The following PLD1 variants were observed in gnomAD, a reference collection of about 807,000 sequenced individuals.
PLD1 encodes the protein phospholipase D1, also known as choline phosphatase 1.
In PLD1, 112 loss-of-function variants were observed where a neutral mutation model predicts 137.1. The ratio of observed to expected loss-of-function variants is 0.82; its 90% CI spans 0.70 to 0.96. The LOEUF is 0.96. PLD1 is among the 40% of genes least tolerant of loss of function. The probability of loss-of-function intolerance (pLI) is 0.00; values close to 1 mark genes in which losing one functional copy is unlikely to be tolerated. For synonymous variants in PLD1, 431 were observed against 454.7 expected, an observed-to-expected ratio of 0.95 and a Z score of 0.66; for missense variants, 1,321 against 1,342.0, an observed-to-expected ratio of 0.98 and a Z score of 0.24.
chr3:171,643,145 GCTA>G (rs1735911187), intron 22 of PLD1: 3 of 344,446 alleles, frequency 8.7e-6, no homozygotes, highest in Admixed American at 5.1e-5. Context: ...AGAAAGAGAG[GCTA>G]TTAAAAAAAG....
intron 24 of PLD1, among the ~76,000 whole-genome samples, chr3:171,619,894 A>AC (rs1437604510): frequency 6.6e-6 from 1 of 151,748 alleles, no homozygotes; most frequent in Non-Finnish European, 1.5e-5. Flanking sequence ...ACACAGCGAG[A>AC]CCCCCATCTC....
intron 5 of PLD1, among the ~76,000 whole-genome samples, chr3:171,734,570 C>G (rs1560262183): frequency 6.6e-6 from 1 of 151,098 alleles, no homozygotes; most frequent in Admixed American, 6.6e-5. Context: ...AAACCCACAA[C>G]AATGAGTTCA....
At chr3:171,693,699 C>T (rs1027261155) in intron 12 of PLD1, among the ~76,000 whole-genome samples, 2 of 151,980 alleles carry the variant, frequency 1.3e-5, no homozygotes, top group Non-Finnish European at 1.5e-5. Flanking sequence ...TGACACCTGG[C>T]ATTTAATATC....
intron 13 of PLD1, 146 bp from the exon 14 acceptor site, chr3:171,689,022 A>G: frequency 1.6e-6 from 1 of 616,446 alleles, no homozygotes; most frequent in Non-Finnish European, 2.8e-6. Context: ...AAATAATTTT[A>G]TTCTCAGCAT....
chr3:171,654,767 G>C (rs1029440205), intron 21 of PLD1, among the ~76,000 whole-genome samples: 1 of 152,008 alleles, frequency 6.6e-6, no homozygotes, highest in Non-Finnish European at 1.5e-5. Flanking sequence ...CTCTGAGACA[G>C]TTTTACTTAT....
At chr3:171,664,926 T>A (rs772453099) in intron 19 of PLD1, among the ~76,000 whole-genome samples, 1 of 152,160 alleles carries the variant, frequency 6.6e-6, no homozygotes, top group Non-Finnish European at 1.5e-5. Context: ...GTGATAATAA[T>A]GGTATGTGGC....
intron 9 of PLD1, among the ~76,000 whole-genome samples, chr3:171,710,756 C>T (rs761484733): frequency 6.6e-6 from 1 of 152,104 alleles, no homozygotes; most frequent in Admixed American, 6.5e-5. Context: ...GACAGCCATC[C>T]CTTCTCTTCA....
chr3:171,708,714 T>TA (rs1716895077), intron 11 of PLD1, 41 bp downstream of exon 11: 1 of 1,018,858 alleles, frequency 9.8e-7, no homozygotes, highest in Non-Finnish European at 1.6e-6. Context: ...TTTCTAAACA[T>TA]AGAGACTTCC....
At chr3:171,663,267 C>T (rs1711711947) in intron 19 of PLD1, among the ~76,000 whole-genome samples, 2 of 152,234 alleles carry the variant, frequency 1.3e-5, no homozygotes, top group African/African-American at 4.8e-5. Context: ...CCTGTCCAGG[C>T]TGTATTACTC....
chr3:171,688,803 T>C lies in PLD1; in HGVS notation c.1412A>G (p.Asp471Gly). The change falls in exon 14 of 27, where the codon GAC becomes GGC. Residue 471 changes from aspartate to glycine, a missense_variant. Coordinates refer to ENST00000351298, the MANE Select transcript of PLD1 (RefSeq NM_002662.5). ...CCCTCCCACAAAGGCCACCGATTGG[T>C]CAATGATGACAAGCTTCTCATGGTG... ...WAHHEKLVII[D>G]QSVAFVGGID... The C allele has an allele frequency of 6.2e-7, 1 of 1,614,080 alleles. No individual in the cohort carries two copies. Among genetic ancestry groups the C allele is most frequent in the Non-Finnish European group, 8.5e-7 (1 of 1,179,974 alleles).
intron 23 of PLD1, among the ~76,000 whole-genome samples, chr3:171,631,295 G>A (rs983444813): frequency 5.9e-5 from 9 of 152,108 alleles, no homozygotes; most frequent in Non-Finnish European, 1.3e-4. Flanking sequence ...GTATTAAAAG[G>A]TTGAGGATAT....
intron 8 of PLD1, among the ~76,000 whole-genome samples, chr3:171,723,643 T>A (rs1167402746): frequency 6.6e-6 from 1 of 152,174 alleles, no homozygotes; most frequent in Non-Finnish European, 1.5e-5. Context: ...TTATTGCCTG[T>A]CTTTTTGATA....
intron 1 of PLD1, among the ~76,000 whole-genome samples, chr3:171,777,747 G>A (rs934464687): frequency 2.6e-5 from 4 of 152,056 alleles, no homozygotes; most frequent in African/African-American, 9.7e-5. Context: ...TTCAAGGGGC[G>A]GCCCAAACCC....
At chr3:171,764,920 GAAAGGAAAGAAAGGAAA>G (rs1455940132) in intron 1 of PLD1, among the ~76,000 whole-genome samples, 603 of 33,466 alleles carry the variant, frequency 0.018, 24 homozygotes, top group African/African-American at 0.025. Context: ...AGGAAAGAAA[GAAAGGAAAGAAAGGAAA>G]GAAAGAAAGA....
At chr3:171,605,454 T>A (rs1236791484) in intron 25 of PLD1, 38 bp from the exon 26 acceptor site, 3 of 1,163,110 alleles carry the variant, frequency 2.6e-6, no homozygotes, top group Non-Finnish European at 3.9e-6. Flanking sequence ...GTAACTGAGA[T>A]AAAGCAGTTT....
chr3:171,809,423 G>A (rs1441756246), intron 1 of PLD1: 1 of 152,142 alleles, frequency 6.6e-6, no homozygotes, highest in African/African-American at 2.4e-5. Flanking sequence ...ACATACCTCA[G>A]AGGTCTCTGG....
intron 21 of PLD1, among the ~76,000 whole-genome samples, chr3:171,658,566 T>A (rs1348961975): frequency 1.3e-5 from 2 of 152,170 alleles, no homozygotes; most frequent in African/African-American, 4.8e-5. Context: ...CCCCATATTG[T>A]GTGACTCCAT....
intron 1 of PLD1, among the ~76,000 whole-genome samples, chr3:171,784,592 A>T (rs1722919978): frequency 1.3e-5 from 2 of 152,188 alleles, no homozygotes; most frequent in South Asian, 4.1e-4. Flanking sequence ...TTCCCAAAGA[A>T]TGTCTCATCT....
chr3:171,734,870 T>C lies in PLD1; in HGVS notation c.535A>G (p.Arg179Gly). 2 of 1,592,314 alleles carry C rather than the reference T, an allele frequency of 1.3e-6. No individual in the cohort carries two copies. The highest frequency in any genetic ancestry group is 1.7e-6 in the Non-Finnish European group (2 of 1,160,280). Residue 179 changes from arginine (R) to glycine (G), a missense_variant, in exon 5 of 27, where the codon AGA becomes GGA. Transcript: ENST00000351298. ...AGAATAGTGAAGAAACTTACTCTTC[T>C]ACCAAGGAATTGTTCTTCTCTTATC... The part of the protein sequence containing the change: ...NMIREEQFLG[R>G]RKQLEDYLTK...
Sources: gnomAD v4.1 joint callset for allele counts (sites outside exome capture counted in the v4.1 genomes callset) on GRCh38, gnomAD v4.1.1 for gene constraint, MANE v1.5 for transcripts, NCBI Gene and HGNC (gene_info 2026-07-23, HGNC 2026-07-21) for gene names.